PHKA1: variants seen among roughly 807,000 people sequenced by gnomAD.
PHKA1 encodes phosphorylase kinase regulatory subunit alpha 1, also known as phosphorylase b kinase regulatory subunit alpha, skeletal muscle isoform.
A neutral mutation model predicts 110.2 loss-of-function variants in PHKA1; 60 were observed. The observed-to-expected ratio is 0.54, with a 90% CI of 0.44 to 0.68. PHKA1 has a LOEUF of 0.68. PHKA1 is among the 30% of genes least tolerant of loss of function. PHKA1 has a pLI of 0.00. For missense variants in PHKA1, 801 were observed against 942.5 expected (o/e 0.85, Z 1.97); for synonymous variants, 316 against 333.6 (o/e 0.95, Z 0.58).
chrX:72,642,874 C>T (rs2053313724), intron 14 of PHKA1, among the ~76,000 whole-genome samples: 1 of 111,698 alleles, frequency 9.0e-6, no homozygotes, highest in African/African-American at 3.3e-5. Flanking sequence ...CTTTTTAAAG[C>T]AAAGTTTCTT....
chrX:72,667,306 A>C (rs1384795852), intron 7 of PHKA1, 69 bp downstream of exon 7: 1 of 768,615 alleles, frequency 1.3e-6, no homozygotes, highest in Non-Finnish European at 2.0e-6. Flanking sequence ...CCTTAATCTA[A>C]AGCTCATGCT....
At chrX:72,599,846 C>A in intron 28 of PHKA1, 1 of 550,091 alleles carries the variant, frequency 1.8e-6, no homozygotes, top group East Asian at 3.3e-5. Context: ...AATCTATACC[C>A]AGGGGATGAC....
chrX:72,592,788 T>C (rs2052538871), intron 29 of PHKA1, among the ~76,000 whole-genome samples: 1 of 112,470 alleles, frequency 8.9e-6, no homozygotes, highest in Non-Finnish European at 1.9e-5. Flanking sequence ...AAGTTAGCTC[T>C]TTAGTAACAA....
chrX:72,661,479 T>C (rs1569443992), intron 8 of PHKA1, among the ~76,000 whole-genome samples: 1 of 111,064 alleles, frequency 9.0e-6, no homozygotes, highest in Non-Finnish European at 1.9e-5. Flanking sequence ...CACCTCTTCA[T>C]ATTTTCAAGA....
chrX:72,643,254 C>G (rs189077906), intron 14 of PHKA1, among the ~76,000 whole-genome samples: 4 of 111,149 alleles, frequency 3.6e-5, no homozygotes, highest in Admixed American at 1.9e-4. Context: ...CACACATACA[C>G]GCACACACAC....
At chrX:72,690,672 G>A (rs1469232349) in intron 4 of PHKA1, among the ~76,000 whole-genome samples, 1 of 112,398 alleles carries the variant, frequency 8.9e-6, no homozygotes, top group Non-Finnish European at 1.9e-5. Flanking sequence ...CTATTCTGTG[G>A]TATTCTGTTG....
intron 16 of PHKA1, among the ~76,000 whole-genome samples, chrX:72,630,298 AGAGAGAGAGAG>A (rs2053147377): frequency 1.0e-5 from 1 of 97,055 alleles, no homozygotes; most frequent in Non-Finnish European, 2.0e-5. Context: ...GGGGTGGGGG[AGAGAGAGAGAG>A]AGAGAGAGAG....
At chrX:72,586,455 A>C (rs987735073) in intron 29 of PHKA1, among the ~76,000 whole-genome samples, 2 of 112,054 alleles carry the variant, frequency 1.8e-5, no homozygotes, top group Non-Finnish European at 3.8e-5. Flanking sequence ...AAGGTAGATA[A>C]AACCATAAAG....
chrX:72,618,906 A>G, intron 20 of PHKA1, 57 bp from the exon 21 acceptor site: 1 of 1,021,695 alleles, frequency 9.8e-7, no homozygotes, highest in South Asian at 1.9e-5. Context: ...AACTTAAATA[A>G]TGTCCTAGAA....
chrX:72,699,507 CAAAAAAAAAAAAA>C (rs1171276586), intron 3 of PHKA1, among the ~76,000 whole-genome samples: 1 of 16,941 alleles, frequency 5.9e-5, no homozygotes, highest in African/African-American at 1.9e-4. Flanking sequence ...GACTCCATCT[CAAAAAAAAAAAAA>C]AAAAAAAAAA....
intron 5 of PHKA1, among the ~76,000 whole-genome samples, chrX:72,680,736 G>A (rs1206983070): frequency 2.1e-5 from 2 of 97,406 alleles, no homozygotes; most frequent in Non-Finnish European, 4.0e-5. Context: ...CCGCTGCCGC[G>A]ACCGACCGCA....
At chrX:72,672,835 C>G (rs1454101974) in intron 6 of PHKA1, among the ~76,000 whole-genome samples, 1 of 112,201 alleles carries the variant, frequency 8.9e-6, no homozygotes, top group Non-Finnish European at 1.9e-5. Flanking sequence ...TGATGATAAA[C>G]TAAGGACACA....
At chrX:72,600,835 A>G (rs1280792021) in intron 28 of PHKA1, among the ~76,000 whole-genome samples, 2 of 111,513 alleles carry the variant, frequency 1.8e-5, no homozygotes, top group East Asian at 5.6e-4. Context: ...ACATAGTGAG[A>G]CCCCAGTGCT....
intron 2 of PHKA1, among the ~76,000 whole-genome samples, chrX:72,707,694 A>T (rs1193380298): frequency 9.1e-6 from 1 of 109,806 alleles, no homozygotes; most frequent in Non-Finnish European, 1.9e-5. Context: ...AATATGACAA[A>T]GTGTTAACAA....
chrX:72,626,383 T>C (rs12011197), intron 17 of PHKA1, among the ~76,000 whole-genome samples: 2,350 of 110,719 alleles, frequency 0.021, 66 homozygotes, highest in African/African-American at 0.071. Flanking sequence ...AATAATCCAG[T>C]AGGCATTAAA....
At chrX:72,588,858 C>A (rs1556219625) in intron 29 of PHKA1, among the ~76,000 whole-genome samples, 4 of 111,605 alleles carry the variant, frequency 3.6e-5, no homozygotes, top group Non-Finnish European at 7.5e-5. Context: ...GACACACACA[C>A]CCTCTCAAGA....
chrX:72,688,940 G>A (rs1329044673), intron 4 of PHKA1: 1 of 111,816 alleles, frequency 8.9e-6, no homozygotes, highest in African/African-American at 3.3e-5. Flanking sequence ...ATAAATGGAG[G>A]ACCTCTGGAT....
chrX:72,589,276 T>A (rs2052481082), intron 29 of PHKA1, among the ~76,000 whole-genome samples: 1 of 111,661 alleles, frequency 9.0e-6, no homozygotes, highest in Non-Finnish European at 1.9e-5. Context: ...CTTCAACATA[T>A]GCAAATCAAT....
rs1188043817 is a variant in PHKA1, at chrX:72,637,878, C to G, written c.1460-1492G>C. 7.1e-5 allele frequency among the ~76,000 whole-genome samples: 8 copies of G among 112,009 alleles called. No individual in the cohort carries two copies. In the East Asian group the frequency reaches 1.9e-3, roughly 27 times the overall value. On this transcript the variant is annotated intron_variant, in intron 14 of 31. Coordinates refer to ENST00000373542, the MANE Select transcript of PHKA1 (RefSeq NM_002637.4). The stretch of plus-strand genomic sequence containing the variant: ...CTTCTAACCCACAAAGACAGCATGT[C>G]TTTCCATTTATTTGTCTCCTCTCTA...
Sources: allele counts gnomAD v4.1 joint callset (sites outside exome capture counted in the v4.1 genomes callset), GRCh38; gene constraint gnomAD v4.1.1; transcripts MANE v1.5; gene names NCBI Gene and HGNC (gene_info 2026-07-23, HGNC 2026-07-21).